PCDHGB1: variants seen among roughly 807,000 people sequenced by gnomAD.
PCDHGB1 encodes protocadherin gamma-B1.
In PCDHGB1, 34 loss-of-function variants were observed where a neutral mutation model predicts 56.6. The ratio of observed to expected loss-of-function variants is 0.60; its 90% CI spans 0.46 to 0.80. PCDHGB1 has a LOEUF of 0.80. Ranked by LOEUF, PCDHGB1 falls within the 30% of genes least tolerant of loss-of-function variation. The probability of loss-of-function intolerance (pLI) is 0.00; values close to 1 mark genes in which losing one functional copy is unlikely to be tolerated. For synonymous variants in PCDHGB1, 561 were observed against 505.9 expected (o/e 1.11, Z -1.46); for missense variants, 1,278 against 1,204.6 (o/e 1.06, Z -0.90).
At chr5:141,393,683 G>C (rs370409157) in intron 1 of PCDHGB1, 2 of 1,613,850 alleles carry the variant, frequency 1.2e-6, no homozygotes, top group East Asian at 4.5e-5. Flanking sequence ...AACAAACTCC[G>C]TTATTCCAGC....
intron 1 of PCDHGB1, chr5:141,403,329 T>C (rs1325114096): frequency 1.2e-6 from 2 of 1,613,990 alleles, no homozygotes; most frequent in Admixed American, 1.7e-5. Context: ...GTAACTGATA[T>C]TAACGACAGC....
chr5:141,421,864 C>T (rs1561797174), intron 1 of PCDHGB1: 2 of 1,613,766 alleles, frequency 1.2e-6, no homozygotes, highest in Non-Finnish European at 1.7e-6. Context: ...CCTGCTCCTC[C>T]TCACAGCTTT....
chr5:141,454,503 T>A (rs988138847), intron 1 of PCDHGB1, among the ~76,000 whole-genome samples: 1 of 152,308 alleles, frequency 6.6e-6, no homozygotes, highest in Non-Finnish European at 1.5e-5. Flanking sequence ...ACCTCCTGGA[T>A]TCAGGCAGTT....
Position 141,388,496 on chromosome 5 carries a change from G to C in PCDHGB1, c.2409+35827G>C. The stretch of plus-strand genomic sequence containing the variant: ...TGAAGACACCTTTGGACAGAGAAAA[G>C]CAGAAATCCTACCACTTGACTTTGA... On this transcript the variant is annotated intron_variant, in intron 1 of 3. Coordinates refer to ENST00000523390, the MANE Select transcript of PCDHGB1 (RefSeq NM_018922.3). 1 of 1,613,828 alleles carries C rather than the reference G, an allele frequency of 6.2e-7. No individual in the cohort carries two copies. Among genetic ancestry groups the C allele is most frequent in the Admixed American group, 1.7e-5 (1 of 60,022 alleles).
At chr5:141,475,764 C>T (rs2154573514) in intron 1 of PCDHGB1, among the ~76,000 whole-genome samples, 1 of 152,380 alleles carries the variant, frequency 6.6e-6, no homozygotes, top group South Asian at 2.1e-4. Flanking sequence ...CCGATACTGG[C>T]AAGGCGCTTT....
At chr5:141,494,752 T>G (rs889400984) in intron 1 of PCDHGB1, 55 bp from the exon 2 acceptor site, 6 of 1,612,324 alleles carry the variant, frequency 3.7e-6, no homozygotes, top group East Asian at 2.2e-5. Flanking sequence ...GGGGCTCGGG[T>G]GACATTCTAA....
chr5:141,362,276 G>A (rs1762413710), intron 1 of PCDHGB1: 17 of 1,613,888 alleles, frequency 1.1e-5, no homozygotes, highest in Middle Eastern at 1.6e-4. Flanking sequence ...ATCTCCCTGC[G>A]CCTGCGACTC....
chr5:141,489,837 G>A lies in PCDHGB1; in HGVS notation c.2410-4970G>A. 6.2e-7 allele frequency: 1 copy of A among 1,614,204 alleles called. No individual in the cohort carries two copies. ...TCCCAGAGCTGGTGCTAGAGCAGCAGCTGGATCGTGAAGCCCAGGCAAGAC... is the reference window on the plus strand; with the variant it reads ...TCCCAGAGCTGGTGCTAGAGCAGCAACTGGATCGTGAAGCCCAGGCAAGAC... On this transcript the variant is annotated intron_variant, in intron 1 of 3. Transcript: ENST00000523390. This position sits in a 1 kb window ranked among gnomAD's most constrained non-coding sequence, Gnocchi z 4.5.
intron 2 of PCDHGB1, among the ~76,000 whole-genome samples, chr5:141,503,091 G>A (rs2099818095): frequency 6.6e-6 from 1 of 151,808 alleles, no homozygotes; most frequent in African/African-American, 2.4e-5. Flanking sequence ...CTGACCTCGT[G>A]GTCTGCCCGC....
intron 2 of PCDHGB1, among the ~76,000 whole-genome samples, chr5:141,504,039 AC>A (rs1396515708): frequency 6.6e-6 from 1 of 152,184 alleles, no homozygotes; most frequent in African/African-American, 2.4e-5. Context: ...CATTTAGGCA[AC>A]AAATATTTAT....
intron 1 of PCDHGB1, chr5:141,374,258 T>C: frequency 2.5e-6 from 4 of 1,613,924 alleles, no homozygotes; most frequent in East Asian, 2.2e-5. Flanking sequence ...GCCCCAGGAG[T>C]TGGCGGAGCA....
Position 141,432,151 on chromosome 5 carries a change from C to T in PCDHGB1, c.2410-62656C>T. 2 of 1,614,122 alleles carry T rather than the reference C, an allele frequency of 1.2e-6. No homozygotes were observed. The highest frequency in any genetic ancestry group is 2.2e-5 in the South Asian group (2 of 91,066). ...CCTATTCCGCTTATATCCCAGAGAA[C>T]AATCCCAGAGGAGTTTCCCTCGTCT... On this transcript the variant is annotated intron_variant, in intron 1 of 3. Transcript: ENST00000523390. The surrounding 1 kb of genome is among the most constrained non-coding windows in gnomAD (Gnocchi z 6.0).
chr5:141,498,390 T>C (rs2099783500), intron 2 of PCDHGB1, among the ~76,000 whole-genome samples: 1 of 151,982 alleles, frequency 6.6e-6, no homozygotes, highest in Non-Finnish European at 1.5e-5. Context: ...ATCAAGGGAA[T>C]GGCAGGGAGT....
chr5:141,494,182 C>T (rs188628485), intron 1 of PCDHGB1, among the ~76,000 whole-genome samples: 132 of 152,244 alleles, frequency 8.7e-4, no homozygotes, highest in African/African-American at 3.1e-3. Flanking sequence ...AGAAGTGTCC[C>T]GGGACTTGGA....
intron 1 of PCDHGB1, chr5:141,385,092 C>T (rs778613931): frequency 1.9e-6 from 3 of 1,614,210 alleles, no homozygotes; most frequent in Admixed American, 3.3e-5. Context: ...CAGAAGGTGG[C>T]TTGGCGAACG....
intron 1 of PCDHGB1, chr5:141,371,097 G>A (rs376198094): frequency 5.0e-6 from 8 of 1,613,710 alleles, no homozygotes; most frequent in Non-Finnish European, 6.8e-6. Flanking sequence ...TGTCGCAGAT[G>A]CAAATGATAA....
intron 1 of PCDHGB1, chr5:141,365,934 G>A (rs1488431310): frequency 6.2e-7 from 1 of 1,614,116 alleles, no homozygotes; most frequent in Non-Finnish European, 8.5e-7. Context: ...GTGACAGCCA[G>A]CGACAGTGGG....
At position 141,398,948 on chromosome 5, in the gene PCDHGB1, A is replaced by T. The variant is rs775133149; in HGVS notation, c.2409+46279A>T. The T allele has an allele frequency of 2.5e-6, 4 of 1,613,958 alleles. No homozygotes were observed. The South Asian group carries it at 3.3e-5, about 13-fold the overall frequency. On this transcript the variant is annotated intron_variant, in intron 1 of 3. Transcript: ENST00000523390. The stretch of plus-strand genomic sequence containing the variant: ...GCCACTGACCAAGACGAGGGCATCA[A>T]CTCAGAAATTACTTATTCCTTCTAC...
In PCDHGB1 at chr5:141,351,619, T is replaced by C. The variant is rs200864490; in HGVS notation, c.1359T>C (p.Tyr453=). 1,007 of 1,614,032 alleles carry C rather than the reference T, an allele frequency of 6.2e-4. 7 individuals carry two copies. The South Asian group carries it at 7.4e-3, about 12-fold the overall frequency. ...CACCTGTTTTCCATCAGGCCTCCTA[T>C]GTGGTCCACGTGTCTGAGAACAACC... ...DNAPVFHQAS[Y]VVHVSENNPP... Residue 453 remains tyrosine (Y), a synonymous_variant, in exon 1 of 4, where the codon TAT becomes TAC. Transcript: ENST00000523390.
Sources: gnomAD v4.1 joint callset for allele counts (sites outside exome capture counted in the v4.1 genomes callset) on GRCh38, gnomAD v4.1.1 for gene constraint, Gnocchi (gnomAD v3.1) non-coding constraint, MANE v1.5 for transcripts, NCBI Gene and HGNC (gene_info 2026-07-23, HGNC 2026-07-21) for gene names.